RNF135: variants seen among roughly 807,000 people sequenced by gnomAD.
RNF135 encodes ring finger protein 135.
A neutral mutation model predicts 41.9 loss-of-function variants in RNF135; 46 were observed. That is an observed-to-expected ratio of 1.10 (90% CI 0.87 to 1.40). The LOEUF is 1.40. RNF135 is among the 40% of genes most tolerant of loss of function. The pLI is 0.00. For missense variants in RNF135, 539 were observed against 549.8 expected (o/e 0.98, Z 0.20); for synonymous variants, 238 against 223.8 (o/e 1.06, Z -0.57).
chr17:30,980,243 C>G (rs1906981835), intron 1 of RNF135: 1 of 129,504 alleles, frequency 7.7e-6, no homozygotes, highest in Non-Finnish European at 1.7e-5. Flanking sequence ...GACGGGGCGG[C>G]TGGCCGGGCA....
chr17:30,996,596 G>C (rs183699937), intron 3 of RNF135, among the ~76,000 whole-genome samples: 92 of 152,218 alleles, frequency 6.0e-4, no homozygotes, highest in African/African-American at 2.1e-3. Flanking sequence ...TTCTCAGGTG[G>C]AGTCTTAGAT....
At chr17:30,988,416 A>ATG (rs1907745570) in intron 3 of RNF135, among the ~76,000 whole-genome samples, 12 of 81,878 alleles carry the variant, frequency 1.5e-4, no homozygotes, top group African/African-American at 6.1e-4. Context: ...GCCACTTTTA[A>ATG]TTTTTTTTTT....
chr17:30,967,979 G>T (rs1430537692), upstream of RNF135, among the ~76,000 whole-genome samples: 1 of 151,974 alleles, frequency 6.6e-6, no homozygotes, highest in African/African-American at 2.4e-5. Flanking sequence ...ATGACAAAAT[G>T]TCTGATGTAG....
upstream of RNF135, chr17:30,968,768 T>C (rs1425363185): frequency 6.6e-6 from 1 of 152,208 alleles, no homozygotes; most frequent in East Asian, 1.9e-4. Flanking sequence ...GTTTGAAAAC[T>C]ACTGGTTAAC....
intron 2 of RNF135, among the ~76,000 whole-genome samples, chr17:30,987,407 T>G (rs562418847): frequency 9.9e-5 from 15 of 152,110 alleles, no homozygotes; most frequent in Non-Finnish European, 1.6e-4. Context: ...AATTTTTGTA[T>G]TTTTAGTACA....
At chr17:30,997,376 A>G (rs973215677) in intron 4 of RNF135, 45 bp downstream of exon 4, 1 of 1,533,404 alleles carries the variant, frequency 6.5e-7, no homozygotes, top group Non-Finnish European at 9.0e-7. Context: ...CTTGCCGCAG[A>G]GCGGGCTTCG....
chr17:30,987,107 T>C (rs1213192727), intron 2 of RNF135, among the ~76,000 whole-genome samples: 1 of 152,092 alleles, frequency 6.6e-6, no homozygotes, highest in Non-Finnish European at 1.5e-5. Context: ...GAACAGGACC[T>C]GAGGCTAAAG....
At chr17:30,980,798 A>G (rs1907074235) in intron 1 of RNF135, among the ~76,000 whole-genome samples, 1 of 148,560 alleles carries the variant, frequency 6.7e-6, no homozygotes, top group Non-Finnish European at 1.5e-5. Flanking sequence ...CACTTCCTAG[A>G]TGGGATGGTG....
At chr17:30,961,262 G>A in the RNF135 span, among the ~76,000 whole-genome samples, 1 of 152,132 alleles carries the variant, frequency 6.6e-6, no homozygotes, top group African/African-American at 2.4e-5. Flanking sequence ...TCATACTGAT[G>A]CAGGGTAGGT....
chr17:30,979,851 C>T (rs1906897526), intron 1 of RNF135, among the ~76,000 whole-genome samples: 1 of 111,588 alleles, frequency 9.0e-6, no homozygotes, highest in South Asian at 3.0e-4. Flanking sequence ...GCTGGCCAGG[C>T]GGGGGGGCTG....
In RNF135 at chr17:30,999,075, C is replaced by G; in HGVS notation, c.1183C>G (p.Gln395Glu). The change falls in exon 5 of 5, where the codon CAG becomes GAG. Residue 395 changes from glutamine to glutamate, a missense_variant. Gln to Glu is a conservative substitution (Grantham distance 29). Coordinates refer to ENST00000328381, the MANE Select transcript of RNF135 (RefSeq NM_032322.4). ...GCTTGCCTTCTATTCAGTGGACAAT[C>G]AGGAGAAGCTTCTGTATGAGTGTAC... ...GKLAFYSVDN[Q>E]EKLLYECTIS... is the part of the protein sequence containing the mutation. 1.2e-6 allele frequency: 2 copies of G among 1,614,110 alleles called. No homozygotes were observed. The highest frequency in any genetic ancestry group is 1.7e-6 in the Non-Finnish European group (2 of 1,180,006).
rs1598072451 is a variant in RNF135 at position 30,971,260 on chromosome 17, C to A, written c.187C>A (p.Arg63Ser). Reference sequence around the variant, plus strand: ...CCGCCGCTGGGCCTGCCCCACTTGCCGCCAGGGCGCCGCGCAGCAGCCGCA... The same window carrying A: ...CCGCCGCTGGGCCTGCCCCACTTGCAGCCAGGGCGCCGCGCAGCAGCCGCA... ...DARRWACPTCRQGAAQQPHLR... is the reference protein window; with the variant it reads ...DARRWACPTCSQGAAQQPHLR... Residue 63 changes from arginine to serine, a missense_variant, in exon 1 of 5, where the codon CGC becomes AGC. Transcript: ENST00000328381. The A allele has an allele frequency of 2.6e-6, 4 of 1,522,994 alleles. No individual in the cohort carries two copies. The highest frequency in any genetic ancestry group is 3.5e-6 in the Non-Finnish European group (4 of 1,140,276). The allele number at this position is 1,522,994 out of a possible 1,614,324, so 94.3% of individuals were successfully genotyped here.
At chr17:30,989,528 C>T (rs1375656115) in intron 3 of RNF135, among the ~76,000 whole-genome samples, 3 of 152,188 alleles carry the variant, frequency 2.0e-5, no homozygotes, top group African/African-American at 2.4e-5. Flanking sequence ...TGAAAAATAA[C>T]TAACACCTTC....
At chr17:30,960,311 G>C in the RNF135 span, among the ~76,000 whole-genome samples, 1 of 151,864 alleles carries the variant, frequency 6.6e-6, no homozygotes. Context: ...AGAATCGCTT[G>C]AACCCGGCAG....
At chr17:30,996,851 G>T (rs928297526) in intron 3 of RNF135, among the ~76,000 whole-genome samples, 17 of 152,196 alleles carry the variant, frequency 1.1e-4, no homozygotes, top group African/African-American at 4.1e-4. Context: ...TTAAAACATT[G>T]ACTTGGGGGT....
At chr17:30,988,529 G>A (rs1380630782) in intron 3 of RNF135, among the ~76,000 whole-genome samples, 4 of 134,592 alleles carry the variant, frequency 3.0e-5, no homozygotes, top group Non-Finnish European at 4.6e-5. Flanking sequence ...CTGGGTTCAT[G>A]CCATTCTCCT....
chr17:30,998,171 A>G (rs926729646), intron 4 of RNF135, among the ~76,000 whole-genome samples: 1 of 152,154 alleles, frequency 6.6e-6, no homozygotes, highest in African/African-American at 2.4e-5. Context: ...TCAGCCTCCC[A>G]AAGTGCTGGG....
In RNF135 at chr17:30,979,717, C is replaced by T. The variant is rs547765517; in HGVS notation, c.373-4900C>T. On this transcript the variant is annotated intron_variant, in intron 1 of 4. Transcript: ENST00000328381. ...CGGCTGGCCGGGCGGGGGGCTGACC[C>T]CCCCCACCTCCCTCCCGGACGGGGC... Among the ~76,000 whole-genome samples, 113 of 131,112 alleles carry T rather than the reference C, an allele frequency of 8.6e-4. 1 individual carries two copies. The highest frequency in any genetic ancestry group is 5.9e-3 in the Middle Eastern group (1 of 170). The allele number at this position is 131,112 out of a possible 152,430, so 86.0% of individuals were successfully genotyped here. A position where few individuals can be genotyped will look rare whatever the true frequency, so the allele number is the denominator to read the frequency against.
At chr17:30,979,671 C>G (rs1906855640) in intron 1 of RNF135, among the ~76,000 whole-genome samples, 1 of 142,558 alleles carries the variant, frequency 7.0e-6, no homozygotes, top group African/African-American at 2.6e-5. Context: ...CTGATCCCCC[C>G]CACCTCCCTC....
Sources: allele counts gnomAD v4.1 joint callset (sites outside exome capture counted in the v4.1 genomes callset), GRCh38; gene constraint gnomAD v4.1.1; transcripts MANE v1.5; gene names NCBI Gene and HGNC (gene_info 2026-07-23, HGNC 2026-07-21).